The following PJA2 variants were observed in gnomAD, a reference collection of about 807,000 sequenced individuals.
PJA2 encodes the protein E3 ubiquitin-protein ligase Praja-2.
PJA2 carries 25 observed loss-of-function variants against 69.3 expected under a neutral mutation model. That is an observed-to-expected ratio of 0.36 (90% CI 0.26 to 0.50). The LOEUF (loss-of-function observed/expected upper bound fraction) is 0.50, where lower values mean the gene tolerates loss of function less well. Among genes scored for constraint, PJA2 ranks in the 20% least tolerant of loss-of-function variants. PJA2 has a pLI of 0.96. For synonymous variants in PJA2, 308 were observed against 277.8 expected (o/e 1.11, Z -1.08); for missense variants, 809 against 830.2 (o/e 0.97, Z 0.31).
intron 9 of PJA2, among the ~76,000 whole-genome samples, chr5:109,338,598 T>C (rs1040151586): frequency 5.0e-5 from 7 of 139,936 alleles, no homozygotes; most frequent in East Asian, 4.2e-4. Flanking sequence ...GACAGCACCA[T>C]TGCACTCCAG....
At position 109,336,766 on chromosome 5, in the gene PJA2, T is replaced by C. The variant is rs1761951651; in HGVS notation, c.*465A>G. On this transcript the variant is annotated 3_prime_UTR_variant, in exon 10 of 10. Coordinates refer to ENST00000361189, the MANE Select transcript of PJA2 (RefSeq NM_014819.5). ...GCATATGAACCAAGAGGTTATGATA[T>C]AGCAAAATCAAAGGGACTAGTGAAA... 2.6e-5 allele frequency: 4 copies of C among 152,402 alleles called. No homozygotes were observed. The highest frequency in any genetic ancestry group is 4.4e-5 in the Non-Finnish European group (3 of 68,188). The allele number at this position is 152,402 out of a possible 1,614,324, so 9.4% of individuals were successfully genotyped here. A position where few individuals can be genotyped will look rare whatever the true frequency, so the allele number is the denominator to read the frequency against.
At chr5:109,405,292 A>G (rs1747657681) in intron 1 of PJA2, among the ~76,000 whole-genome samples, 1 of 152,254 alleles carries the variant, frequency 6.6e-6, no homozygotes, top group South Asian at 2.1e-4. Context: ...GAAGACCTAC[A>G]TAAATGGAGA....
In PJA2 at chr5:109,353,596, TATA is replaced by T. The variant is rs1225557942; in HGVS notation, c.1764+2316_1764+2318del. Among the ~76,000 whole-genome samples the T allele has an allele frequency of 1.0e-3, 141 of 138,598 alleles. 19 individuals carry two copies. Among genetic ancestry groups the T allele is most frequent in the African/African-American group, 2.5e-3 (93 of 37,466 alleles). The allele number at this position is 138,598 out of a possible 152,430, so 90.9% of individuals were successfully genotyped here. A position where few individuals can be genotyped will look rare whatever the true frequency, so the allele number is the denominator to read the frequency against. On this transcript the variant is annotated intron_variant, in intron 7 of 9. Coordinates refer to ENST00000361189, the MANE Select transcript of PJA2 (RefSeq NM_014819.5). ...CATAGACATCTATATATTAGATATC[TATA>T]ATATCATAGACATCTATATATTAGA...
At chr5:109,377,181 T>C (rs558377811) in intron 4 of PJA2, among the ~76,000 whole-genome samples, 55 of 152,296 alleles carry the variant, frequency 3.6e-4, no homozygotes, top group African/African-American at 1.3e-3. Context: ...GCTTAATTCA[T>C]ATGTCCAAAG....
chr5:109,374,563 C>T (rs1278321675), intron 4 of PJA2, among the ~76,000 whole-genome samples: 1 of 152,184 alleles, frequency 6.6e-6, no homozygotes, highest in Non-Finnish European at 1.5e-5. Flanking sequence ...ATTAACAGGG[C>T]ACCTGGAACA....
chr5:109,354,012 T>C (rs1582592258), intron 7 of PJA2, among the ~76,000 whole-genome samples: 1 of 144,048 alleles, frequency 6.9e-6, no homozygotes, highest in Non-Finnish European at 1.5e-5. Flanking sequence ...TATCTATAGA[T>C]TAGATATCTA....
At chr5:109,407,541 G>C (rs1747719233) in intron 1 of PJA2, among the ~76,000 whole-genome samples, 1 of 152,082 alleles carries the variant, frequency 6.6e-6, no homozygotes, top group East Asian at 1.9e-4. Flanking sequence ...TAATCTACCA[G>C]TGCTCAACAT....
chr5:109,366,226 T>A (rs1762583929), intron 5 of PJA2, among the ~76,000 whole-genome samples: 1 of 152,180 alleles, frequency 6.6e-6, no homozygotes, highest in South Asian at 2.1e-4. Context: ...TACTAAATAG[T>A]CTGAATCACT....
intron 1 of PJA2, among the ~76,000 whole-genome samples, chr5:109,404,297 G>T (rs1345183775): frequency 2.0e-5 from 3 of 151,610 alleles, no homozygotes; most frequent in Admixed American, 1.3e-4. Flanking sequence ...AAGGCAGGTG[G>T]ATTACCTGAG....
chr5:109,389,348 C>A (rs552259096), intron 1 of PJA2, among the ~76,000 whole-genome samples: 7 of 152,150 alleles, frequency 4.6e-5, no homozygotes, highest in South Asian at 2.1e-4. Flanking sequence ...CTCAGATTTT[C>A]TATTTCTTTA....
intron 7 of PJA2, among the ~76,000 whole-genome samples, chr5:109,345,180 TAA>T (rs60910860): frequency 0.63 from 64,922 of 103,680 alleles, 18,131 homozygotes; most frequent in Non-Finnish European, 0.65. Flanking sequence ...CCGTCTCTAG[TAA>T]AAAAAAAAAA....
intron 1 of PJA2, among the ~76,000 whole-genome samples, chr5:109,405,354 G>T (rs565081924): frequency 1.9e-4 from 29 of 152,292 alleles, no homozygotes; most frequent in African/African-American, 6.5e-4. Context: ...TTCCTAAATT[G>T]ATCTATGCAT....
At position 109,372,533 on chromosome 5, in the gene PJA2, A is replaced by G. The variant is rs561049995; in HGVS notation, c.1284-3787T>C. ...CTTTAACATTGCAATTATTTTTCAT[A>G]ATAGTGCAGAGAAATCAAAGAAAAT... On this transcript the variant is annotated intron_variant, in intron 4 of 9. Transcript: ENST00000361189. Among the ~76,000 whole-genome samples, 10 of 152,282 alleles carry G rather than the reference A, an allele frequency of 6.6e-5. No homozygotes were observed. The South Asian group carries it at 2.1e-3, about 32-fold the overall frequency.
At chr5:109,345,587 G>A (rs949669996) in intron 7 of PJA2, among the ~76,000 whole-genome samples, 1 of 151,732 alleles carries the variant, frequency 6.6e-6, no homozygotes. Flanking sequence ...TTGAAGGAGT[G>A]GTTACTTTTT....
chr5:109,353,012 CTATA>C lies in PJA2; in HGVS notation c.1764+2899_1764+2902del, dbSNP rs1278385617. ...CTATAGATATCTATATATTAGATAC[CTATA>C]TCTATAGATATCTATATATTAGATA... is the stretch of plus-strand genomic sequence containing the variant. On this transcript the variant is annotated intron_variant, in intron 7 of 9. Coordinates refer to ENST00000361189, the MANE Select transcript of PJA2 (RefSeq NM_014819.5). Among the ~76,000 whole-genome samples, 841 of 127,648 alleles carry C rather than the reference CTATA, an allele frequency of 6.6e-3. 43 individuals are homozygous for C. The highest frequency in any genetic ancestry group is 0.024 in the African/African-American group (793 of 33,048). The allele number at this position is 127,648 out of a possible 152,430, so 83.7% of individuals were successfully genotyped here.
In PJA2 at chr5:109,354,301, GAGATATCTATAGATTAGATATCTATGATA is replaced by G. The variant is rs879835713; in HGVS notation, c.1764+1585_1764+1613del. Among the ~76,000 whole-genome samples, 746 of 147,828 alleles carry G rather than the reference GAGATATCTATAGATTAGATATCTATGATA, an allele frequency of 5.0e-3. 77 individuals carry two copies. The highest frequency in any genetic ancestry group is 0.019 in the Middle Eastern group (2 of 106). ...ATAGATTAGATATCTATGATATCTA[GAGATATCTATAGATTAGATATCTATGATA>G]TCTAGAGATATCTATAGATTGGATA... On this transcript the variant is annotated intron_variant, in intron 7 of 9. Coordinates refer to ENST00000361189, the MANE Select transcript of PJA2 (RefSeq NM_014819.5).
chr5:109,396,776 A>T (rs867036837), intron 1 of PJA2, among the ~76,000 whole-genome samples: 1 of 24,176 alleles, frequency 4.1e-5, no homozygotes, highest in Non-Finnish European at 7.8e-5. Flanking sequence ...AAAAAAAAAA[A>T]GGCAGGGGTG....
At chr5:109,350,739 C>G (rs930087071) in intron 7 of PJA2, among the ~76,000 whole-genome samples, 1 of 152,174 alleles carries the variant, frequency 6.6e-6, no homozygotes, top group African/African-American at 2.4e-5. Flanking sequence ...CACAGCCAAA[C>G]TCTTTAACAC....
intron 4 of PJA2, among the ~76,000 whole-genome samples, chr5:109,375,817 A>T (rs1582610781): frequency 1.3e-5 from 2 of 152,216 alleles, no homozygotes; most frequent in East Asian, 1.9e-4. Context: ...ATAGGAGTGT[A>T]CAGCTATTAA....
Sources: gnomAD v4.1 joint callset for allele counts (sites outside exome capture counted in the v4.1 genomes callset) on GRCh38, gnomAD v4.1.1 for gene constraint, MANE v1.5 for transcripts, NCBI Gene and HGNC (gene_info 2026-07-23, HGNC 2026-07-21) for gene names.